Variants in KIAA0825 observed in about 807,000 individuals in gnomAD.
KIAA0825 encodes uncharacterized protein KIAA0825.
Under a neutral mutation model 147.6 loss-of-function variants are expected in KIAA0825, and 119 were observed. That is an observed-to-expected ratio of 0.81 (90% CI 0.69 to 0.94). KIAA0825 has a LOEUF of 0.94. KIAA0825 is among the 40% of genes least tolerant of loss of function. The pLI, the probability that KIAA0825 is intolerant of heterozygous loss-of-function variation, is 0.00. For missense variants in KIAA0825, 1,381 were observed against 1,472.7 expected (o/e 0.94, Z 1.02); for synonymous variants, 470 against 518.1 (o/e 0.91, Z 1.26).
At chr5:94,617,033 G>T (rs1224454060) in intron 1 of KIAA0825, among the ~76,000 whole-genome samples, 2 of 152,140 alleles carry the variant, frequency 1.3e-5, no homozygotes, top group Admixed American at 1.3e-4. Flanking sequence ...TTGGGTCTCA[G>T]TATAAAATGT....
At chr5:94,173,292 C>G (rs1286703531) in intron 20 of KIAA0825, among the ~76,000 whole-genome samples, 1 of 152,172 alleles carries the variant, frequency 6.6e-6, no homozygotes, top group Non-Finnish European at 1.5e-5. Flanking sequence ...GTTACAGTTA[C>G]TATTGCACAA....
At position 94,224,841 on chromosome 5, in the gene KIAA0825, C is replaced by A. The variant is rs192123421; in HGVS notation, c.3711-70717G>T. Among the ~76,000 whole-genome samples, 3 of 152,158 alleles carry A rather than the reference C, an allele frequency of 2.0e-5. No homozygotes were observed. The East Asian group carries it at 5.8e-4, about 29-fold the overall frequency. On this transcript the variant is annotated intron_variant, in intron 20 of 20. Transcript: ENST00000682413. The stretch of plus-strand genomic sequence containing the variant: ...TCTCCCTTTTTGTCCTAATCTTGAT[C>A]CCTCTTTTCAAAAAGCAGCTTCTTT...
chr5:94,397,555 T>C (rs1174910473), intron 16 of KIAA0825, among the ~76,000 whole-genome samples: 1 of 152,208 alleles, frequency 6.6e-6, no homozygotes, highest in Non-Finnish European at 1.5e-5. Flanking sequence ...TTAGACATAT[T>C]TTCCAAGAAA....
At chr5:94,381,691 C>A (rs962652326) in intron 20 of KIAA0825, among the ~76,000 whole-genome samples, 3 of 152,094 alleles carry the variant, frequency 2.0e-5, no homozygotes, top group Non-Finnish European at 4.4e-5. Flanking sequence ...GCACTCTTGA[C>A]CGTGTCAACA....
chr5:94,272,459 A>T (rs1777036101), intron 20 of KIAA0825, among the ~76,000 whole-genome samples: 1 of 152,160 alleles, frequency 6.6e-6, no homozygotes. Flanking sequence ...CATGTACCCC[A>T]TAAATATATA....
chr5:94,468,382 A>T (rs1760812667), intron 10 of KIAA0825, among the ~76,000 whole-genome samples: 1 of 152,210 alleles, frequency 6.6e-6, no homozygotes, highest in South Asian at 2.1e-4. Context: ...GAAACATGAG[A>T]TGGATTCATT....
At chr5:94,406,725 C>A (rs1178033197) in intron 15 of KIAA0825, among the ~76,000 whole-genome samples, 1 of 152,206 alleles carries the variant, frequency 6.6e-6, no homozygotes, top group African/African-American at 2.4e-5. Context: ...CTGCTCTATT[C>A]CCAGCTCCCA....
At chr5:94,235,026 CAA>C (rs770665759) in intron 20 of KIAA0825, among the ~76,000 whole-genome samples, 18 of 131,440 alleles carry the variant, frequency 1.4e-4, no homozygotes, top group Admixed American at 1.5e-4. Context: ...TTTCCTCAGG[CAA>C]AAAAAAAAAA....
intron 2 of KIAA0825, among the ~76,000 whole-genome samples, 169 bp downstream of exon 2, chr5:94,582,264 G>A (rs1782339615): frequency 6.6e-6 from 1 of 152,270 alleles, no homozygotes; most frequent in East Asian, 1.9e-4. Context: ...CCTAACATTG[G>A]AGATCAGGTA....
At position 94,450,215 on chromosome 5, in the gene KIAA0825, C is replaced by CACTAT. The variant is rs370376102; in HGVS notation, c.2357+2739_2357+2743dup. Among the ~76,000 whole-genome samples the CACTAT allele has an allele frequency of 4.5e-3, 676 of 150,626 alleles. 4 individuals carry two copies. The highest frequency in any genetic ancestry group is 0.016 in the African/African-American group (654 of 40,944). On this transcript the variant is annotated intron_variant, in intron 13 of 20. Coordinates refer to ENST00000682413, the MANE Select transcript of KIAA0825 (RefSeq NM_001145678.3). ...CCAGAGATAAAAACTATAACCCCACCACTATATATCCTTTCAATATTTATT... is the reference window on the plus strand; with the variant it reads ...CCAGAGATAAAAACTATAACCCCACCACTATACTATATATCCTTTCAATATTTATT...
chr5:94,423,230 G>A (rs1339151086), intron 14 of KIAA0825, among the ~76,000 whole-genome samples: 2 of 152,096 alleles, frequency 1.3e-5, no homozygotes. Flanking sequence ...AGCAGTATTG[G>A]CAAGCCACAT....
At chr5:94,571,833 G>A (rs1455766030) in intron 2 of KIAA0825, among the ~76,000 whole-genome samples, 1 of 152,034 alleles carries the variant, frequency 6.6e-6, no homozygotes, top group African/African-American at 2.4e-5. Context: ...TGTTATCACT[G>A]TTGCTAAAAA....
intron 20 of KIAA0825, among the ~76,000 whole-genome samples, chr5:94,309,016 C>T (rs1778930969): frequency 6.6e-6 from 1 of 151,828 alleles, no homozygotes; most frequent in South Asian, 2.1e-4. Context: ...TCAATTCTCT[C>T]TCAATCACTG....
chr5:94,340,620 G>C (rs1044624297), intron 20 of KIAA0825, among the ~76,000 whole-genome samples: 2 of 152,122 alleles, frequency 1.3e-5, no homozygotes, highest in Non-Finnish European at 2.9e-5. Flanking sequence ...AGACTAATGT[G>C]ATCCTGTTGC....
chr5:94,352,622 A>G (rs1011097234), intron 20 of KIAA0825, among the ~76,000 whole-genome samples: 6 of 152,250 alleles, frequency 3.9e-5, no homozygotes, highest in Non-Finnish European at 4.4e-5. Context: ...TTGCACACGC[A>G]TGTTTATAGC....
At chr5:94,245,547 T>G (rs1226867902) in intron 20 of KIAA0825, among the ~76,000 whole-genome samples, 4 of 152,194 alleles carry the variant, frequency 2.6e-5, no homozygotes, top group African/African-American at 7.2e-5. Context: ...TTTTATTTCC[T>G]TCTTAGCAGT....
chr5:94,186,537 C>G (rs1470730213), intron 20 of KIAA0825, among the ~76,000 whole-genome samples: 2 of 152,014 alleles, frequency 1.3e-5, no homozygotes, highest in Non-Finnish European at 2.9e-5. Flanking sequence ...AGCAAATAAG[C>G]AAATATATGG....
chr5:94,524,867 T>G (rs966086679), intron 3 of KIAA0825, among the ~76,000 whole-genome samples: 2 of 151,880 alleles, frequency 1.3e-5, no homozygotes, highest in Admixed American at 1.3e-4. Context: ...CATATGTATC[T>G]GTTTTAAAAT....
At chr5:94,371,206 A>G (rs912473881) in intron 20 of KIAA0825, among the ~76,000 whole-genome samples, 12 of 152,206 alleles carry the variant, frequency 7.9e-5, no homozygotes, top group African/African-American at 2.9e-4. Flanking sequence ...CAGATTTCAC[A>G]CTATGAGGAG....
Sources: allele counts gnomAD v4.1 joint callset (sites outside exome capture counted in the v4.1 genomes callset), GRCh38; gene constraint gnomAD v4.1.1; transcripts MANE v1.5; gene names NCBI Gene and HGNC (gene_info 2026-07-23, HGNC 2026-07-21).